The following GALNT9 variants were observed in gnomAD, a reference collection of about 807,000 sequenced individuals.
GALNT9 encodes the protein polypeptide N-acetylgalactosaminyltransferase 9.
A neutral mutation model predicts 63.1 loss-of-function variants in GALNT9; 47 were observed. The ratio of observed to expected loss-of-function variants is 0.75; its 90% CI spans 0.59 to 0.95. GALNT9 has a LOEUF of 0.95. Among genes scored for constraint, GALNT9 ranks in the 40% least tolerant of loss-of-function variants. The pLI is 0.00. For synonymous variants in GALNT9, 396 were observed against 365.7 expected (o/e 1.08, Z -0.94); for missense variants, 829 against 874.8 (o/e 0.95, Z 0.66).
In GALNT9 at chr12:132,236,698, G is replaced by A. The variant is rs2136894935; in HGVS notation, c.1077+11212C>T. Among the ~76,000 whole-genome samples, 1 of 152,312 alleles carries A rather than the reference G, an allele frequency of 6.6e-6. No homozygotes were observed. Among genetic ancestry groups the A allele is most frequent in the African/African-American group, 2.4e-5 (1 of 41,556 alleles). On this transcript the variant is annotated intron_variant, in intron 6 of 10. Transcript: ENST00000328957. This position sits in a 1 kb window ranked among gnomAD's most constrained non-coding sequence, Gnocchi z 5.6. ...ATCGCCCAGCCTCGCAAGGTGTAAG[G>A]TTTCGGGGCATCAAGCCTGGCCTCG...
Position 132,329,177 on chromosome 12 carries a change from A to C in GALNT9, c.27T>G (p.Thr9=), listed in dbSNP as rs1869186858. The change falls in exon 1 of 11, where the codon ACT becomes ACG. Residue 9 remains threonine, a synonymous_variant. Coordinates refer to ENST00000328957, the MANE Select transcript of GALNT9 (RefSeq NM_001122636.2). ...ACACCAGGATGTTCACCGTCAGCAA[A>C]GTTCGGATCTTCCTGGCCACCGCCA... The part of the protein sequence containing the change: MAVARKIR[T]LLTVNILVFV... 1 of 1,548,426 alleles carries C rather than the reference A, an allele frequency of 6.5e-7. No homozygotes were observed. The highest frequency in any genetic ancestry group is 1.4e-5 in the African/African-American group (1 of 73,012).
chr12:132,206,344 ATTAG>A (rs945430177), intron 6 of GALNT9, among the ~76,000 whole-genome samples: 3 of 152,050 alleles, frequency 2.0e-5, no homozygotes, highest in Non-Finnish European at 4.4e-5. Flanking sequence ...TGCCAGAGAG[ATTAG>A]TTAAAGGCAC....
chr12:132,240,832 A>G (rs1407774375), intron 6 of GALNT9: 3 of 398,566 alleles, frequency 7.5e-6, no homozygotes, highest in African/African-American at 4.4e-5. Flanking sequence ...CCGTCCCTAT[A>G]CCCATTACAC....
rs781843569 is a variant in GALNT9, at chr12:132,252,411, G to A, written c.960-4384C>T. 1.4e-4 allele frequency among the ~76,000 whole-genome samples: 21 copies of A among 152,238 alleles called. No individual in the cohort carries two copies. The highest frequency in any genetic ancestry group is 2.8e-4 in the Non-Finnish European group (19 of 68,042). On this transcript the variant is annotated intron_variant, in intron 5 of 10. Transcript: ENST00000328957. This position sits in a 1 kb window ranked among gnomAD's most constrained non-coding sequence, Gnocchi z 5.2. ...GAGAAGGCAGAGAAGCACGTGCCAC[G>A]TTTTAGAAAGAGTTTGCATCCACAA...
At chr12:132,326,247 T>C (rs1869032364) in intron 1 of GALNT9, among the ~76,000 whole-genome samples, 1 of 152,274 alleles carries the variant, frequency 6.6e-6, no homozygotes, top group Non-Finnish European at 1.5e-5. Flanking sequence ...CTGTGTCTGC[T>C]GCGCACAAAA....
intron 1 of GALNT9, among the ~76,000 whole-genome samples, chr12:132,312,816 C>T (rs1024916715): frequency 3.3e-5 from 5 of 152,170 alleles, no homozygotes; most frequent in African/African-American, 7.2e-5. Context: ...AGAGGCTCCA[C>T]GTCTCTGCCC....
intron 1 of GALNT9, among the ~76,000 whole-genome samples, chr12:132,291,763 T>C (rs66745632): frequency 0.17 from 26,524 of 151,898 alleles, 2,531 homozygotes; most frequent in African/African-American, 0.27. Context: ...GGAGACCAGA[T>C]GCGCTCAGTC....
intron 7 of GALNT9, 71 bp downstream of exon 7, chr12:132,203,434 G>T: frequency 6.7e-7 from 1 of 1,500,728 alleles, no homozygotes; most frequent in Non-Finnish European, 9.1e-7. Context: ...CCTCCCTCCG[G>T]CCCAGCCCTG....
chr12:132,273,814 G>A (rs1879956541), intron 2 of GALNT9: 1 of 152,376 alleles, frequency 6.6e-6, no homozygotes, highest in African/African-American at 2.4e-5. Flanking sequence ...GCTGGGGACA[G>A]GCCAGGAATG....
At chr12:132,227,430 G>C (rs1877737032) in intron 6 of GALNT9, among the ~76,000 whole-genome samples, 2 of 152,194 alleles carry the variant, frequency 1.3e-5, no homozygotes, top group Non-Finnish European at 2.9e-5. Flanking sequence ...AACACCTCAG[G>C]CCGCGTTACA....
Position 132,279,730 on chromosome 12 carries a change from G to C in GALNT9, c.419+6520C>G, listed in dbSNP as rs574769794. 1.0e-4 allele frequency: 16 copies of C among 152,456 alleles called. No homozygotes were observed. Among genetic ancestry groups the C allele is most frequent in the African/African-American group, 3.6e-4 (15 of 41,586 alleles). 9.4% of individuals were successfully genotyped at this position (152,456 alleles called of 1,614,324 possible). On this transcript the variant is annotated intron_variant, in intron 2 of 10. Transcript: ENST00000328957. The surrounding 1 kb of genome is among the most constrained non-coding windows in gnomAD (Gnocchi z 4.1). ...CTGTCCCTTCAGGCCGTGGGGAGAAGAACATCCCAGTGCGGTCACTTCCTG... is the reference window on the plus strand; with the variant it reads ...CTGTCCCTTCAGGCCGTGGGGAGAACAACATCCCAGTGCGGTCACTTCCTG...
chr12:132,210,969 C>T (rs1316984939), intron 6 of GALNT9, among the ~76,000 whole-genome samples: 1 of 152,062 alleles, frequency 6.6e-6, no homozygotes, highest in Non-Finnish European at 1.5e-5. Flanking sequence ...AAAACCATCA[C>T]ACTTGAGAGG....
intron 6 of GALNT9, among the ~76,000 whole-genome samples, chr12:132,223,001 CCCCACACAA>C (rs1176527582): frequency 0.024 from 2,633 of 108,234 alleles, 74 homozygotes; most frequent in South Asian, 0.043. Flanking sequence ...CCCACATACA[CCCCACACAA>C]CCCACACCCT....
In GALNT9 at chr12:132,316,480, C is replaced by T; in HGVS notation, c.238+12486G>A. Among the ~76,000 whole-genome samples the T allele has an allele frequency of 6.6e-6, 1 of 152,114 alleles. No homozygotes were observed. Among genetic ancestry groups the T allele is most frequent in the Non-Finnish European group, 1.5e-5 (1 of 68,014 alleles). ...CAGTTCTCAACCTCAGATGACCTTG[C>T]TTCCTTCCTCCCTGGGAAACGGAGA... On this transcript the variant is annotated intron_variant, in intron 1 of 10. Transcript: ENST00000328957. This position sits in a 1 kb window ranked among gnomAD's most constrained non-coding sequence, Gnocchi z 4.3.
At chr12:132,253,836 C>T (rs1345489982) in intron 5 of GALNT9, among the ~76,000 whole-genome samples, 2 of 152,136 alleles carry the variant, frequency 1.3e-5, no homozygotes, top group Non-Finnish European at 2.9e-5. Context: ...TTTCTCTGCC[C>T]GGGGCAAGTG....
In GALNT9 at chr12:132,286,495, C is replaced by T. The variant is rs781462244; in HGVS notation, c.239-65G>A. The T allele has an allele frequency of 2.3e-5, 33 of 1,452,370 alleles. No individual in the cohort carries two copies. The highest frequency in any genetic ancestry group is 2.8e-5 in the Non-Finnish European group (31 of 1,104,254). 90.0% of individuals were successfully genotyped at this position (1,452,370 alleles called of 1,614,324 possible). ...ACACGCTGCGTCTGCACCCAGGAGA[C>T]GCCCCTCCCGCCCCTCTCCCCGACG... On this transcript the variant is annotated intron_variant, in intron 1 of 10. Transcript: ENST00000328957. The surrounding 1 kb of genome is among the most constrained non-coding windows in gnomAD (Gnocchi z 7.4).
At chr12:132,249,003 G>A (rs1183308116) in intron 5 of GALNT9, among the ~76,000 whole-genome samples, 2 of 152,214 alleles carry the variant, frequency 1.3e-5, no homozygotes, top group African/African-American at 4.8e-5. Flanking sequence ...TGGGCCACGC[G>A]ACGTGCGAGC....
chr12:132,293,470 G>T (rs1258239450), intron 1 of GALNT9, among the ~76,000 whole-genome samples: 4 of 152,220 alleles, frequency 2.6e-5, no homozygotes, highest in African/African-American at 4.8e-5. Context: ...CATGACCCAT[G>T]CTGGAGCCAA....
rs534032902 is a variant in GALNT9, at chr12:132,308,406, G to C, written c.238+20560C>G. On this transcript the variant is annotated intron_variant, in intron 1 of 10. Transcript: ENST00000328957. ...CAGCAAGCAGACCCCGAAACACCCTGCCCCGGGCCCCAGCGCTGCCCTTGC... is the reference window on the plus strand; with the variant it reads ...CAGCAAGCAGACCCCGAAACACCCTCCCCCGGGCCCCAGCGCTGCCCTTGC... Among the ~76,000 whole-genome samples the C allele has an allele frequency of 6.6e-5, 10 of 152,350 alleles. No individual in the cohort carries two copies. The South Asian group carries it at 1.9e-3, about 28-fold the overall frequency.
Sources: allele counts gnomAD v4.1 joint callset (sites outside exome capture counted in the v4.1 genomes callset), GRCh38; gene constraint gnomAD v4.1.1; non-coding constraint Gnocchi (gnomAD v3.1); transcripts MANE v1.5; gene names NCBI Gene and HGNC (gene_info 2026-07-23, HGNC 2026-07-21).